The following ANKRD6 variants were observed in gnomAD, a reference collection of about 807,000 sequenced individuals.
ANKRD6 encodes ankyrin repeat domain-containing protein 6.
ANKRD6 carries 56 observed loss-of-function variants against 82.3 expected under a neutral mutation model. The ratio of observed to expected loss-of-function variants is 0.68; its 90% CI spans 0.55 to 0.85. The LOEUF (loss-of-function observed/expected upper bound fraction) is 0.85. Among genes scored for constraint, ANKRD6 ranks in the 40% least tolerant of loss-of-function variants. The probability of loss-of-function intolerance (pLI) is 0.00; values close to 1 mark genes in which losing one functional copy is unlikely to be tolerated. For synonymous variants in ANKRD6, 347 were observed against 352.1 expected (o/e 0.99, Z 0.16); for missense variants, 852 against 907.6 (o/e 0.94, Z 0.79).
chr6:89,494,929 C>A (rs1043921072), intron 1 of ANKRD6, among the ~76,000 whole-genome samples: 3 of 152,152 alleles, frequency 2.0e-5, no homozygotes, highest in East Asian at 1.9e-4. Flanking sequence ...GTCTTGGAAC[C>A]TTTGGTGACA....
At chr6:89,514,718 A>G (rs1446430357) in intron 1 of ANKRD6, among the ~76,000 whole-genome samples, 1 of 152,164 alleles carries the variant, frequency 6.6e-6, no homozygotes, top group Non-Finnish European at 1.5e-5. Context: ...TCTGTTGATT[A>G]TATACCTAGA....
At chr6:89,517,034 G>A (rs1781317435) in intron 1 of ANKRD6, among the ~76,000 whole-genome samples, 1 of 152,060 alleles carries the variant, frequency 6.6e-6, no homozygotes, top group Admixed American at 6.5e-5. Context: ...AAAACGAGAT[G>A]ATTTTTCTGA....
rs115275596 is a variant in ANKRD6, at chr6:89,519,225, G to A, written c.-143-47609G>A. 5.5e-3 allele frequency among the ~76,000 whole-genome samples: 831 copies of A among 152,332 alleles called. 9 individuals are homozygous for A. The highest frequency in any genetic ancestry group is 0.019 in the African/African-American group (796 of 41,572). On this transcript the variant is annotated intron_variant, in intron 1 of 15. Transcript: ENST00000339746. Reference sequence around the variant, plus strand: ...TTTTTAAGCAAGGGAGATACTGGCTGTAATTTACAGATTGAGAATATCATC... The same window carrying A: ...TTTTTAAGCAAGGGAGATACTGGCTATAATTTACAGATTGAGAATATCATC...
chr6:89,604,716 T>C (rs1019639027), intron 4 of ANKRD6, among the ~76,000 whole-genome samples: 1 of 152,136 alleles, frequency 6.6e-6, no homozygotes, highest in African/African-American at 2.4e-5. Flanking sequence ...GCTTCCTCCT[T>C]CTGCAGTCAG....
rs148885816 is a variant in ANKRD6, at chr6:89,553,490, A to G, written c.-143-13344A>G. 2.1e-3 allele frequency among the ~76,000 whole-genome samples: 323 copies of G among 152,320 alleles called. 1 individual carries two copies. The highest frequency in any genetic ancestry group is 0.016 in the South Asian group (76 of 4,824). The stretch of plus-strand genomic sequence containing the variant: ...TACTTCTGAGTAGATATTCATGTTT[A>G]TGGGAAGCAAAGGCTTCCCTTTGCC... On this transcript the variant is annotated intron_variant, in intron 1 of 15. Transcript: ENST00000339746.
chr6:89,628,855 C>G, intron 14 of ANKRD6: 1 of 463,762 alleles, frequency 2.2e-6, no homozygotes, highest in South Asian at 2.2e-5. Context: ...AGTCATGAGG[C>G]ATTCACCCCC....
chr6:89,584,112 T>C (rs1583475675), intron 2 of ANKRD6, among the ~76,000 whole-genome samples: 1 of 152,210 alleles, frequency 6.6e-6, no homozygotes, highest in African/African-American at 2.4e-5. Context: ...GACGAGACAT[T>C]ATAATATTGT....
rs1795800792 is a variant in ANKRD6 at position 89,595,985 on chromosome 6, G to T, written c.190G>T (p.Ala64Ser). 6.2e-7 allele frequency: 1 copy of T among 1,610,190 alleles called. No individual in the cohort carries two copies. Among genetic ancestry groups the T allele is most frequent in the African/African-American group, 1.3e-5 (1 of 74,898 alleles). Residue 64 changes from alanine (A) to serine (S), a missense_variant, in exon 3 of 16, where the codon GCT (alanine) becomes TCT (serine). Ala to Ser is a moderately conservative substitution (Grantham distance 99). Coordinates refer to ENST00000339746, the MANE Select transcript of ANKRD6 (RefSeq NM_001242809.2). ...TCCTGTGGTCCAGATCTTGCTGAAG[G>T]CTGGCTGCGACCTTGATGTCCAGGA... The part of the protein sequence containing the change: ...HLPVVQILLK[A>S]GCDLDVQDDG...
At chr6:89,454,577 A>G (rs763096201) in intron 1 of ANKRD6, among the ~76,000 whole-genome samples, 11 of 152,322 alleles carry the variant, frequency 7.2e-5, no homozygotes, top group Middle Eastern at 3.4e-3. Flanking sequence ...CAGAAGAGCT[A>G]TTTGTGAAGT....
At chr6:89,492,348 G>C (rs920644966) in intron 1 of ANKRD6, among the ~76,000 whole-genome samples, 1 of 152,192 alleles carries the variant, frequency 6.6e-6, no homozygotes, top group Non-Finnish European at 1.5e-5. Context: ...GTTTGTAGAG[G>C]ATCATTTGGT....
rs1317708568 is a variant in ANKRD6, at chr6:89,631,092, T to C, written c.*88T>C. On this transcript the variant is annotated 3_prime_UTR_variant, in exon 16 of 16. Transcript: ENST00000339746. ...GCTATGCCCAAGGAGTCAACTATTG[T>C]ATATATTGCAGATTTGCCTTTTTAA... is the stretch of plus-strand genomic sequence containing the variant. The C allele has an allele frequency of 2.8e-6, 4 of 1,423,400 alleles. No homozygotes were observed. The African/African-American group carries it at 4.3e-5, about 15-fold the overall frequency. The allele number at this position is 1,423,400 out of a possible 1,614,324, so 88.2% of individuals were successfully genotyped here. A position where few individuals can be genotyped will look rare whatever the true frequency, so the allele number is the denominator to read the frequency against.
At chr6:89,539,582 G>A (rs1007308390) in intron 1 of ANKRD6, among the ~76,000 whole-genome samples, 7 of 151,974 alleles carry the variant, frequency 4.6e-5, no homozygotes, top group African/African-American at 1.7e-4. Context: ...AGGTACATGA[G>A]ATGTTTTGAT....
intron 3 of ANKRD6, 47 bp from the exon 4 acceptor site, chr6:89,602,982 G>A: frequency 6.8e-7 from 1 of 1,478,160 alleles, no homozygotes; most frequent in Non-Finnish European, 9.3e-7. Context: ...GCAAGCAGGG[G>A]GTGCAGGGGA....
At chr6:89,558,201 A>G (rs1786887667) in intron 1 of ANKRD6, among the ~76,000 whole-genome samples, 1 of 152,194 alleles carries the variant, frequency 6.6e-6, no homozygotes, top group East Asian at 1.9e-4. Flanking sequence ...CATATTACCC[A>G]GCAATTGTAC....
At position 89,629,125 on chromosome 6, in the gene ANKRD6, A is replaced by T. The variant is rs201996863; in HGVS notation, c.1499A>T (p.Asp500Val). The T allele has an allele frequency of 3.0e-4, 476 of 1,612,636 alleles. No individual in the cohort carries two copies. The highest frequency in any genetic ancestry group is 6.6e-4 in the Middle Eastern group (4 of 6,054). The change falls in exon 15 of 16, where the codon GAT (aspartate) becomes GTT (valine). Residue 500 changes from aspartate (D) to valine (V), a missense_variant. Physicochemically the swap from Asp to Val is radical, Grantham distance 152 (BLOSUM62 -3). Coordinates refer to ENST00000339746, the MANE Select transcript of ANKRD6 (RefSeq NM_001242809.2). The stretch of plus-strand genomic sequence containing the variant: ...TTTTTTTTTAAGATATCCTTGGTGG[A>T]TGAATTAAAAACCTGGTGCATGTTA... Reference protein sequence around the residue: ...EGEKRQISLVDELKTWCMLKI... With the variant: ...EGEKRQISLVVELKTWCMLKI...
chr6:89,470,170 G>T (rs1775277858), intron 1 of ANKRD6, among the ~76,000 whole-genome samples: 1 of 152,052 alleles, frequency 6.6e-6, no homozygotes, highest in South Asian at 2.1e-4. Flanking sequence ...ACACAATTTT[G>T]TATCAATGAA....
chr6:89,493,514 A>G (rs1778251746), intron 1 of ANKRD6, among the ~76,000 whole-genome samples: 2 of 151,912 alleles, frequency 1.3e-5, no homozygotes, highest in Non-Finnish European at 1.5e-5. Flanking sequence ...GGCTCAAGCA[A>G]TCCTCCCACT....
chr6:89,545,427 A>G (rs1341157035), intron 1 of ANKRD6, among the ~76,000 whole-genome samples: 1 of 152,136 alleles, frequency 6.6e-6, no homozygotes, highest in African/African-American at 2.4e-5. Context: ...GAGAAACTCT[A>G]TCCCAGGTGA....
At chr6:89,610,817 A>C (rs568368225) in intron 5 of ANKRD6, among the ~76,000 whole-genome samples, 1 of 147,830 alleles carries the variant, frequency 6.8e-6, no homozygotes, top group South Asian at 2.2e-4. Context: ...AAAAAAAAAA[A>C]CCTGAAGACC....
Sources: gnomAD v4.1 joint callset for allele counts (sites outside exome capture counted in the v4.1 genomes callset) on GRCh38, gnomAD v4.1.1 for gene constraint, MANE v1.5 for transcripts, NCBI Gene and HGNC (gene_info 2026-07-23, HGNC 2026-07-21) for gene names.